The following CNNM4 variants were observed in gnomAD, a reference collection of about 807,000 sequenced individuals.
CNNM4 encodes metal transporter CNNM4.
CNNM4 carries 32 observed loss-of-function variants against 53.7 expected under a neutral mutation model. The ratio of observed to expected loss-of-function variants is 0.60; its 90% confidence interval spans 0.45 to 0.80. The LOEUF (loss-of-function observed/expected upper bound fraction) is 0.80, where lower values mean the gene tolerates loss of function less well. CNNM4 is among the 30% of genes least tolerant of loss of function. The probability of loss-of-function intolerance (pLI) is 0.00; values close to 1 mark genes in which losing one functional copy is unlikely to be tolerated. For missense variants in CNNM4, 784 were observed against 1,022.0 expected (o/e 0.77, Z 3.17); for synonymous variants, 410 against 440.0 (o/e 0.93, Z 0.85).
At chr2:96,765,455 G>A (rs1289467825) in intron 1 of CNNM4, among the ~76,000 whole-genome samples, 1 of 152,064 alleles carries the variant, frequency 6.6e-6, no homozygotes, top group African/African-American at 2.4e-5. Flanking sequence ...CAGCACCAGA[G>A]TCAGAGCTGG....
At chr2:96,765,072 G>T (rs2078803675) in intron 1 of CNNM4, among the ~76,000 whole-genome samples, 1 of 88,436 alleles carries the variant, frequency 1.1e-5, no homozygotes, top group Non-Finnish European at 2.1e-5. Context: ...TTTTTGCTAA[G>T]AGAAACAAGT....
At position 96,810,674 on chromosome 2, in the gene CNNM4, C is replaced by T. The variant is rs974656742; in HGVS notation, c.*1157C>T. The T allele has an allele frequency of 7.9e-5, 12 of 152,288 alleles. No individual in the cohort carries two copies. Among genetic ancestry groups the T allele is most frequent in the Admixed American group, 2.0e-4 (3 of 15,284 alleles). 9.4% of individuals were successfully genotyped at this position (152,288 alleles called of 1,614,324 possible). A position where few individuals can be genotyped will look rare whatever the true frequency, so the allele number is the denominator to read the frequency against. ...AGCCACGGAAGCAGGTTCTTTATGT[C>T]CTCTCCTCTGTGGCTGGCAAGGCTC... is the stretch of plus-strand genomic sequence containing the variant. On this transcript the variant is annotated 3_prime_UTR_variant, in exon 7 of 7. Coordinates refer to ENST00000377075, the MANE Select transcript of CNNM4 (RefSeq NM_020184.4). This position sits in a 1 kb window ranked among gnomAD's most constrained non-coding sequence, Gnocchi z 4.1.
rs978560794 is a variant in CNNM4, at chr2:96,786,778, CAAAAAAA to C, written c.1403-10214_1403-10208del. ...TGGGTAACAGAGCAAGACTCTGTCT[CAAAAAAA>C]AAAAAAAAAAAAAAAAAAAGTCACT... On this transcript the variant is annotated intron_variant, in intron 1 of 6. Coordinates refer to ENST00000377075, the MANE Select transcript of CNNM4 (RefSeq NM_020184.4). 1.5e-4 allele frequency among the ~76,000 whole-genome samples: 6 copies of C among 40,488 alleles called. No individual in the cohort carries two copies. In the East Asian group the frequency reaches 3.0e-3, roughly 20 times the overall value. The allele number at this position is 40,488 out of a possible 152,430, so 26.6% of individuals were successfully genotyped here. A position where few individuals can be genotyped will look rare whatever the true frequency, so the allele number is the denominator to read the frequency against.
chr2:96,766,006 A>G (rs1574051284), intron 1 of CNNM4, among the ~76,000 whole-genome samples: 1 of 148,000 alleles, frequency 6.8e-6, no homozygotes, highest in Admixed American at 6.7e-5. Context: ...CTGGTTGCGA[A>G]CTCCTGACCT....
chr2:96,806,544 C>CGT (rs1558998074), intron 5 of CNNM4, among the ~76,000 whole-genome samples: 32 of 148,804 alleles, frequency 2.2e-4, no homozygotes, highest in Admixed American at 9.3e-4. Context: ...CACGCGCGCG[C>CGT]GCGCGCGCGC....
intron 5 of CNNM4, among the ~76,000 whole-genome samples, chr2:96,806,145 C>T (rs1379115182): frequency 6.6e-6 from 1 of 151,442 alleles, no homozygotes; most frequent in Non-Finnish European, 1.5e-5. Context: ...CCCCCACCGC[C>T]CTCCCGGACG....
Position 96,808,749 on chromosome 2 carries a change from G to A in CNNM4, c.2130+7G>A. The stretch of plus-strand genomic sequence containing the variant: ...GGACTTGCAGTACATCAAGGTGAGT[G>A]CCTCACTGCCCTGTCTGGGCAGTGC... On this transcript the variant is annotated splice_region_variant and intron_variant, in intron 6 of 6. Transcript: ENST00000377075. This position sits in a 1 kb window ranked among gnomAD's most constrained non-coding sequence, Gnocchi z 4.9. 6.2e-6 allele frequency: 10 copies of A among 1,613,628 alleles called. No homozygotes were observed. The highest frequency in any genetic ancestry group is 8.5e-6 in the Non-Finnish European group (10 of 1,179,600).
At chr2:96,790,490 G>C (rs1019012098) in intron 1 of CNNM4, among the ~76,000 whole-genome samples, 1 of 151,792 alleles carries the variant, frequency 6.6e-6, no homozygotes, top group South Asian at 2.1e-4. Context: ...GAGTAGTTGG[G>C]ATTACAAGCA....
In CNNM4 at chr2:96,797,778, C is replaced by A; in HGVS notation, c.1681+131C>A. 1 of 1,269,882 alleles carries A rather than the reference C, an allele frequency of 7.9e-7. No homozygotes were observed. The highest frequency in any genetic ancestry group is 1.3e-5 in the South Asian group (1 of 79,114). The allele number at this position is 1,269,882 out of a possible 1,614,324, so 78.7% of individuals were successfully genotyped here. On this transcript the variant is annotated intron_variant, in intron 3 of 6. Transcript: ENST00000377075. The surrounding 1 kb of genome is among the most constrained non-coding windows in gnomAD (Gnocchi z 6.0). ...AGGGGTGCAGAGACAACACAGCCACCCCTGGAAGGGGCCGGGTATCTGCTC... is the reference window on the plus strand; with the variant it reads ...AGGGGTGCAGAGACAACACAGCCACACCTGGAAGGGGCCGGGTATCTGCTC...
intron 1 of CNNM4, among the ~76,000 whole-genome samples, chr2:96,770,251 C>A (rs987963366): frequency 5.3e-5 from 8 of 152,206 alleles, no homozygotes; most frequent in Admixed American, 2.6e-4. Flanking sequence ...TTTCAAAGGT[C>A]TCGTATTTTT....
At chr2:96,791,031 A>G (rs950324025) in intron 1 of CNNM4, among the ~76,000 whole-genome samples, 1 of 151,362 alleles carries the variant, frequency 6.6e-6, no homozygotes, top group Non-Finnish European at 1.5e-5. Context: ...GAGAGAGGAT[A>G]ATTGCTTGAT....
chr2:96,782,866 A>C (rs1339451730), intron 1 of CNNM4, among the ~76,000 whole-genome samples: 1 of 152,078 alleles, frequency 6.6e-6, no homozygotes, highest in Non-Finnish European at 1.5e-5. Flanking sequence ...ATTTAACAGA[A>C]TTTCGGTTAA....
intron 1 of CNNM4, among the ~76,000 whole-genome samples, chr2:96,771,039 G>A (rs190623837): frequency 2.0e-5 from 3 of 152,190 alleles, no homozygotes; most frequent in Non-Finnish European, 2.9e-5. Context: ...AGAGGTACCC[G>A]GCTGGCCCTC....
chr2:96,762,054 A>G lies in CNNM4; in HGVS notation c.1055A>G (p.Asn352Ser). 6.2e-7 allele frequency: 1 copy of G among 1,614,106 alleles called. No homozygotes were observed. Among genetic ancestry groups the G allele is most frequent in the Non-Finnish European group, 8.5e-7 (1 of 1,180,024 alleles). ...MEMLKVTEPY[N>S]DLVKEELNMI... ...ATGTTGAAGGTGACGGAGCCCTATA[A>G]TGACCTCGTGAAAGAGGAGCTCAAT... Residue 352 changes from asparagine to serine, a missense_variant, in exon 1 of 7, where the codon AAT (asparagine) becomes AGT (serine). Asn to Ser is a conservative substitution (Grantham distance 46, BLOSUM62 1). This residue lies in a region of CNNM4 where 473 missense variants were observed against 624.6 expected (regional missense o/e 0.76). Transcript: ENST00000377075.
intron 1 of CNNM4, among the ~76,000 whole-genome samples, chr2:96,786,765 C>A (rs1574069657): frequency 9.2e-6 from 1 of 108,396 alleles, no homozygotes; most frequent in Non-Finnish European, 1.7e-5. Context: ...GGTAACAGAG[C>A]AAGACTCTGT....
rs2079116791 is a variant in CNNM4 at position 96,797,654 on chromosome 2, TGAG to T, written c.1681+13_1681+15del. 6.2e-7 allele frequency: 1 copy of T among 1,613,692 alleles called. No homozygotes were observed. Among genetic ancestry groups the T allele is most frequent in the Non-Finnish European group, 8.5e-7 (1 of 1,179,960 alleles). ...CATCGCTTCCTAGCCACAGGTAGCATGAGGAGGACCTTCCGGTCTTGGTGGAAA... is the reference window on the plus strand; with the variant it reads ...CATCGCTTCCTAGCCACAGGTAGCATGAGGACCTTCCGGTCTTGGTGGAAA... On this transcript the variant is annotated splice_region_variant and intron_variant, in intron 3 of 6. Coordinates refer to ENST00000377075, the MANE Select transcript of CNNM4 (RefSeq NM_020184.4). This position sits in a 1 kb window ranked among gnomAD's most constrained non-coding sequence, Gnocchi z 6.0.
chr2:96,794,375 C>A (rs930913023), intron 1 of CNNM4, among the ~76,000 whole-genome samples: 5 of 152,128 alleles, frequency 3.3e-5, no homozygotes, highest in East Asian at 1.9e-4. Flanking sequence ...CCAAATACCC[C>A]CAAAGGTGAC....
chr2:96,795,269 C>T (rs1203480821), intron 1 of CNNM4, among the ~76,000 whole-genome samples: 1 of 152,218 alleles, frequency 6.6e-6, no homozygotes, highest in Non-Finnish European at 1.5e-5. Flanking sequence ...GGGGCGGACC[C>T]CAGGGTCCCG....
intron 4 of CNNM4, 96 bp downstream of exon 4, chr2:96,799,322 T>C: frequency 1.4e-5 from 21 of 1,500,158 alleles, no homozygotes; most frequent in South Asian, 9.0e-5. Context: ...GTGCATGGCT[T>C]CCCTGCCTGG....
Sources: allele counts gnomAD v4.1 joint callset (sites outside exome capture counted in the v4.1 genomes callset), GRCh38; gene constraint gnomAD v4.1.1; regional missense constraint gnomAD v4.1.1; non-coding constraint Gnocchi (gnomAD v3.1); transcripts MANE v1.5; gene names NCBI Gene and HGNC (gene_info 2026-07-23, HGNC 2026-07-21).